Variants in SYNGR1 observed in about 807,000 individuals in gnomAD.
The protein encoded by SYNGR1 is synaptogyrin 1, also known as synaptogyrin-1.
SYNGR1 carries 14 observed loss-of-function variants against 26.1 expected under a neutral mutation model. That is an observed-to-expected ratio of 0.54 (90% CI 0.35 to 0.84). The LOEUF (loss-of-function observed/expected upper bound fraction) is 0.84. Ranked by LOEUF, SYNGR1 falls within the 40% of genes least tolerant of loss-of-function variation. The probability of loss-of-function intolerance (pLI) is 0.01; values close to 1 mark genes in which losing one functional copy is unlikely to be tolerated. For missense variants in SYNGR1, 319 were observed against 332.9 expected (o/e 0.96, Z 0.33); for synonymous variants, 141 against 150.1 (o/e 0.94, Z 0.44).
At chr22:39,356,442 G>T (rs1055889131) in intron 1 of SYNGR1, among the ~76,000 whole-genome samples, 1 of 152,212 alleles carries the variant, frequency 6.6e-6, no homozygotes, top group Non-Finnish European at 1.5e-5. Flanking sequence ...GCCCAGAGAG[G>T]TTAACTGGAG....
At position 39,375,695 on chromosome 22, in the gene SYNGR1, C is replaced by T. The variant is rs545373976; in HGVS notation, c.338-357C>T. The T allele has an allele frequency of 6.8e-6, 4 of 586,338 alleles. No individual in the cohort carries two copies. The African/African-American group carries it at 7.4e-5, about 11-fold the overall frequency. 36.3% of individuals were successfully genotyped at this position (586,338 alleles called of 1,614,324 possible). On this transcript the variant is annotated intron_variant, in intron 2 of 3. Coordinates refer to ENST00000328933, the MANE Select transcript of SYNGR1 (RefSeq NM_004711.5). ...GGCCCACGTCAGCGGTGTGGCTGGA[C>T]ATGGGGGTTTGGCAGAGGCTGCAGA... is the stretch of plus-strand genomic sequence containing the variant.
intron 3 of SYNGR1, among the ~76,000 whole-genome samples, chr22:39,379,132 C>T (rs969369573): frequency 6.6e-6 from 1 of 152,144 alleles, no homozygotes; most frequent in African/African-American, 2.4e-5. Context: ...CTTCACCTCC[C>T]CTGCTTCTTC....
In SYNGR1 at chr22:39,383,557, C is replaced by T. The variant is rs1925567637; in HGVS notation, c.*1643C>T. 1 of 152,442 alleles carries T rather than the reference C, an allele frequency of 6.6e-6. No individual in the cohort carries two copies. Among genetic ancestry groups the T allele is most frequent in the Non-Finnish European group, 1.5e-5 (1 of 68,158 alleles). The allele number at this position is 152,442 out of a possible 1,614,324, so 9.4% of individuals were successfully genotyped here. Reference sequence around the variant, plus strand: ...GTCCACCCAGTGTCCACTGGCCTGTCCTTCAGGGAGCAGAGCAGAGCAGGT... The same window carrying T: ...GTCCACCCAGTGTCCACTGGCCTGTTCTTCAGGGAGCAGAGCAGAGCAGGT... On this transcript the variant is annotated 3_prime_UTR_variant, in exon 4 of 4. Coordinates refer to ENST00000328933, the MANE Select transcript of SYNGR1 (RefSeq NM_004711.5).
At chr22:39,360,570 G>A (rs191119696) in intron 1 of SYNGR1, among the ~76,000 whole-genome samples, 1 of 152,020 alleles carries the variant, frequency 6.6e-6, no homozygotes, top group African/African-American at 2.4e-5. Context: ...GAATGTGGAC[G>A]CCCTCACCCC....
At chr22:39,361,279 G>A (rs940250587) in intron 1 of SYNGR1, among the ~76,000 whole-genome samples, 1 of 151,822 alleles carries the variant, frequency 6.6e-6, no homozygotes, top group African/African-American at 2.4e-5. Context: ...AACAACCTCA[G>A]GCATGCAGGG....
chr22:39,357,909 G>T (rs1202483586), intron 1 of SYNGR1, among the ~76,000 whole-genome samples: 2 of 152,244 alleles, frequency 1.3e-5, no homozygotes, highest in Non-Finnish European at 2.9e-5. Flanking sequence ...TGTGCGGCCC[G>T]AGCCTCCCCG....
At chr22:39,367,368 C>T (rs1924810320) in intron 1 of SYNGR1, among the ~76,000 whole-genome samples, 1 of 152,198 alleles carries the variant, frequency 6.6e-6, no homozygotes, top group Admixed American at 6.5e-5. Context: ...CAGCCTGTAG[C>T]AGGCGGTAGG....
intron 3 of SYNGR1, among the ~76,000 whole-genome samples, chr22:39,376,469 C>G (rs1457784140): frequency 2.0e-5 from 3 of 152,134 alleles, no homozygotes; most frequent in Non-Finnish European, 2.9e-5. Flanking sequence ...GACCACCCCC[C>G]CCCCAAACCA....
intron 1 of SYNGR1, among the ~76,000 whole-genome samples, chr22:39,354,518 C>T (rs920042005): frequency 6.6e-6 from 1 of 152,130 alleles, no homozygotes; most frequent in Non-Finnish European, 1.5e-5. Context: ...ACTCCACCCC[C>T]CATCATCCCA....
intron 1 of SYNGR1, among the ~76,000 whole-genome samples, chr22:39,362,292 C>T (rs767053134): frequency 1.3e-4 from 20 of 152,130 alleles, no homozygotes; most frequent in African/African-American, 4.8e-4. Flanking sequence ...GGGGTCTGCT[C>T]GCCCAGGCCC....
intron 3 of SYNGR1, among the ~76,000 whole-genome samples, chr22:39,376,478 C>T (rs1925292664): frequency 6.6e-6 from 1 of 151,756 alleles, no homozygotes; most frequent in East Asian, 1.9e-4. Context: ...CCCCCCAAAC[C>T]ACTCTGGGTA....
intron 3 of SYNGR1, among the ~76,000 whole-genome samples, chr22:39,379,115 G>A (rs1391650402): frequency 6.6e-6 from 1 of 152,124 alleles, no homozygotes; most frequent in African/African-American, 2.4e-5. Flanking sequence ...TGTACCCTCA[G>A]GGGGCTCTTC....
At position 39,376,133 on chromosome 22, in the gene SYNGR1, T is replaced by C; in HGVS notation, c.419T>C (p.Leu140Pro). 2 of 1,614,202 alleles carry C rather than the reference T, an allele frequency of 1.2e-6. No homozygotes were observed. Among genetic ancestry groups the C allele is most frequent in the Non-Finnish European group, 1.7e-6 (2 of 1,180,040 alleles). ...WQVSKPKDNP[L>P]NEGTDAARAA... ...GTCTCCAAGCCCAAGGACAACCCACTGAACGAAGGGACGGACGCAGCCCGG... is the reference window on the plus strand; with the variant it reads ...GTCTCCAAGCCCAAGGACAACCCACCGAACGAAGGGACGGACGCAGCCCGG... Residue 140 changes from leucine (L) to proline (P), a missense_variant, in exon 3 of 4, where the codon CTG (leucine) becomes CCG (proline). By Grantham distance (98) the Leu-to-Pro change is moderately conservative (BLOSUM62 -3). Coordinates refer to ENST00000328933, the MANE Select transcript of SYNGR1 (RefSeq NM_004711.5).
intron 1 of SYNGR1, among the ~76,000 whole-genome samples, chr22:39,370,199 C>T (rs1002337429): frequency 1.3e-5 from 2 of 151,786 alleles, no homozygotes; most frequent in Admixed American, 6.6e-5. Context: ...TGGCGAATCT[C>T]GGCTCACTGC....
intron 1 of SYNGR1, among the ~76,000 whole-genome samples, chr22:39,362,455 C>G (rs1161354700): frequency 6.6e-6 from 1 of 152,166 alleles, no homozygotes; most frequent in Non-Finnish European, 1.5e-5. Flanking sequence ...CTGCCCCACC[C>G]CCACCTTTTC....
chr22:39,358,344 G>A (rs1330219458), intron 1 of SYNGR1, among the ~76,000 whole-genome samples: 1 of 152,210 alleles, frequency 6.6e-6, no homozygotes, highest in Non-Finnish European at 1.5e-5. Context: ...CAGGATGTGG[G>A]TGGGGCCAGA....
At chr22:39,356,942 T>C (rs745399037) in intron 1 of SYNGR1, among the ~76,000 whole-genome samples, 6 of 152,006 alleles carry the variant, frequency 3.9e-5, no homozygotes, top group Non-Finnish European at 8.8e-5. Context: ...GTTGGGAACT[T>C]TGGATTGGTC....
intron 1 of SYNGR1, among the ~76,000 whole-genome samples, chr22:39,366,306 A>G (rs73167316): frequency 0.064 from 9,499 of 148,740 alleles, 478 homozygotes; most frequent in African/African-American, 0.14. Flanking sequence ...TCTTCCTCTC[A>G]CTCCCTACGT....
chr22:39,374,295 G>T (rs754560787), intron 1 of SYNGR1, 21 bp from the exon 2 acceptor site: 1 of 1,612,014 alleles, frequency 6.2e-7, no homozygotes, highest in South Asian at 1.1e-5. Flanking sequence ...CAGGTCTAAG[G>T]TGTGGCCCCA....
Sources: gnomAD v4.1 joint callset for allele counts (sites outside exome capture counted in the v4.1 genomes callset) on GRCh38, gnomAD v4.1.1 for gene constraint, MANE v1.5 for transcripts, NCBI Gene and HGNC (gene_info 2026-07-23, HGNC 2026-07-21) for gene names.